Variants in ZNF568 observed in about 807,000 individuals in gnomAD.
The protein encoded by ZNF568 is zinc finger protein 568, also known as p53 inhibitor of SCO2 activation.
A neutral mutation model predicts 18.1 loss-of-function variants in ZNF568; 11 were observed. The observed-to-expected ratio is 0.61, with a 90% confidence interval of 0.38 to 1.00. The LOEUF (loss-of-function observed/expected upper bound fraction) is 1.00, where lower values mean the gene tolerates loss of function less well. Ranked by LOEUF, ZNF568 falls within the 50% of genes least tolerant of loss-of-function variation. The probability of loss-of-function intolerance (pLI) is 0.01; values close to 1 mark genes in which losing one functional copy is unlikely to be tolerated. For synonymous variants in ZNF568, 213 were observed against 246.6 expected (o/e 0.86, Z 1.28); for missense variants, 639 against 768.2 (o/e 0.83, Z 1.99).
At chr19:36,986,686 C>T (rs1029054143) in intron 2 of ZNF568, among the ~76,000 whole-genome samples, 6 of 152,022 alleles carry the variant, frequency 3.9e-5, no homozygotes, top group African/African-American at 7.2e-5. Context: ...GAGTTATCTG[C>T]GACCCTGGTG....
Position 36,950,790 on chromosome 19 carries a change from T to C in ZNF568, c.1637T>C (p.Leu546Pro), listed in dbSNP as rs2074046948. The change falls in exon 7 of 7, where the codon CTT becomes CCT. Residue 546 changes from leucine to proline, a missense_variant. Transcript: ENST00000333987. ...GCTTTCAGTCAGAGACAAAATCTTC[T>C]TGAGCATGAAAAAATTCATACTGGA... is the stretch of plus-strand genomic sequence containing the variant. ...GKAFSQRQNL[L>P]EHEKIHTGEK... 6.2e-7 allele frequency: 1 copy of C among 1,613,642 alleles called. No individual in the cohort carries two copies.
chr19:36,945,210 A>AGTGTGT (rs10616521), intron 6 of ZNF568, among the ~76,000 whole-genome samples: 3,895 of 141,910 alleles, frequency 0.027, 71 homozygotes, highest in Middle Eastern at 0.045. Context: ...CAGAGAGAGA[A>AGTGTGT]GTGTGTGTGT....
At chr19:36,977,842 C>T (rs1266276079) in intron 7 of ZNF568, among the ~76,000 whole-genome samples, 1 of 152,194 alleles carries the variant, frequency 6.6e-6, no homozygotes, top group Non-Finnish European at 1.5e-5. Context: ...CATTTGCTAG[C>T]TCTGTGACCA....
Position 36,949,844 on chromosome 19 carries a change from T to A in ZNF568, c.691T>A (p.Phe231Ile). The change falls in exon 7 of 7, where the codon TTC becomes ATC. Residue 231 changes from phenylalanine (F) to isoleucine (I), a missense_variant. By Grantham distance (21) the Phe-to-Ile change is conservative (BLOSUM62 0). Transcript: ENST00000333987. Reference sequence around the variant, plus strand: ...TAAGTGTAATCAGTGTGGACAAGACTTCAGTCATAAATTTGACCTCATTAG... The same window carrying A: ...TAAGTGTAATCAGTGTGGACAAGACATCAGTCATAAATTTGACCTCATTAG... ...PFKCNQCGQD[F>I]SHKFDLIRHE... The A allele has an allele frequency of 6.2e-7, 1 of 1,614,002 alleles. No individual in the cohort carries two copies. The highest frequency in any genetic ancestry group is 8.5e-7 in the Non-Finnish European group (1 of 1,179,942).
At chr19:36,961,758 G>A (rs1347819086) in intron 6 of ZNF568, among the ~76,000 whole-genome samples, 2 of 152,082 alleles carry the variant, frequency 1.3e-5, no homozygotes, top group Admixed American at 6.6e-5. Context: ...CCTGACCTCA[G>A]GTGATCCTCC....
intron 2 of ZNF568, among the ~76,000 whole-genome samples, chr19:36,921,092 CTAA>C (rs1044642626): frequency 5.3e-5 from 8 of 152,162 alleles, no homozygotes; most frequent in South Asian, 2.1e-4. Flanking sequence ...ATGAAATTGC[CTAA>C]TGACACATTT....
intron 6 of ZNF568, among the ~76,000 whole-genome samples, chr19:36,961,456 C>CT (rs200285762): frequency 1.2e-4 from 18 of 150,858 alleles, no homozygotes; most frequent in South Asian, 8.4e-4. Flanking sequence ...ATTTGGGGAT[C>CT]TTTTTAAAAA....
exon 8 of ZNF568, chr19:36,979,131 G>C (rs10420859): frequency 0.17 from 40,720 of 241,394 alleles, 3,590 homozygotes; most frequent in African/African-American, 0.2. Context: ...TTACAGGCAT[G>C]TGTCACCACA....
chr19:36,932,210 A>AAGTTT (rs1491407243), intron 4 of ZNF568, among the ~76,000 whole-genome samples: 2 of 152,208 alleles, frequency 1.3e-5, no homozygotes, highest in Non-Finnish European at 2.9e-5. Context: ...TTATGTGGTC[A>AAGTTT]TATGTTTTCA....
exon 3 of ZNF568, chr19:36,991,296 C>T: frequency 2.6e-6 from 4 of 1,533,620 alleles, no homozygotes; most frequent in Non-Finnish European, 3.5e-6. Flanking sequence ...CCTGGTCTTA[C>T]TGGGTAACTT....
chr19:36,968,723 CA>C (rs990557222), intron 6 of ZNF568, among the ~76,000 whole-genome samples: 1,318 of 122,392 alleles, frequency 0.011, 15 homozygotes, highest in African/African-American at 0.032. Context: ...CTCACTGCCT[CA>C]AAAAAAAAAA....
intron 6 of ZNF568, among the ~76,000 whole-genome samples, chr19:36,962,286 T>TTG (rs1555736286): frequency 1.4e-5 from 2 of 144,186 alleles, no homozygotes; most frequent in Admixed American, 1.4e-4. Context: ...TGTTTTTTTT[T>TTG]TTTTTTTTTT....
intron 6 of ZNF568, among the ~76,000 whole-genome samples, chr19:36,961,384 A>T (rs1322374676): frequency 2.0e-5 from 3 of 148,370 alleles, no homozygotes; most frequent in Non-Finnish European, 4.5e-5. Flanking sequence ...ATCTTTTTCC[A>T]TCCTTTTACT....
At chr19:36,966,844 G>T (rs1460233002) in intron 6 of ZNF568, among the ~76,000 whole-genome samples, 1 of 152,216 alleles carries the variant, frequency 6.6e-6, no homozygotes. Context: ...TGCATATCTG[G>T]CCTGGGCCTG....
intron 6 of ZNF568, 97 bp from the exon 7 acceptor site, chr19:36,949,415 C>T: frequency 1.6e-6 from 2 of 1,288,590 alleles, no homozygotes; most frequent in African/African-American, 1.5e-5. Flanking sequence ...AGGCCAACAT[C>T]AAAGATTAAA....
chr19:36,978,298 AG>A (rs1307040544), intron 7 of ZNF568, among the ~76,000 whole-genome samples: 6 of 152,328 alleles, frequency 3.9e-5, no homozygotes, highest in Middle Eastern at 3.4e-3. Context: ...TAGTCCTGGC[AG>A]GTATAACCTG....
At chr19:36,947,746 A>G (rs1568391391) in intron 6 of ZNF568, among the ~76,000 whole-genome samples, 1 of 152,112 alleles carries the variant, frequency 6.6e-6, no homozygotes, top group South Asian at 2.1e-4. Flanking sequence ...CAACCCTTCC[A>G]AGTAGCTGGG....
At chr19:36,927,860 G>A (rs4806378) in intron 4 of ZNF568, among the ~76,000 whole-genome samples, 1,039 of 31,526 alleles carry the variant, frequency 0.033, 8 homozygotes, top group Middle Eastern at 0.056. Context: ...GTGTGTGTGT[G>A]TATATATATA....
chr19:36,941,907 A>G (rs2073884574), intron 6 of ZNF568, among the ~76,000 whole-genome samples: 4 of 150,212 alleles, frequency 2.7e-5, no homozygotes, highest in Admixed American at 2.6e-4. Flanking sequence ...TTAGTCAATT[A>G]TTTTTGACTT....
Sources: gnomAD v4.1 joint callset for allele counts (sites outside exome capture counted in the v4.1 genomes callset) on GRCh38, gnomAD v4.1.1 for gene constraint, MANE v1.5 for transcripts, NCBI Gene and HGNC (gene_info 2026-07-23, HGNC 2026-07-21) for gene names.